Variants in KDM3A observed in about 807,000 individuals in gnomAD.
The protein encoded by KDM3A is lysine-specific demethylase 3A.
A neutral mutation model predicts 158.0 loss-of-function variants in KDM3A; 60 were observed. The ratio of observed to expected loss-of-function variants is 0.38; its 90% CI spans 0.31 to 0.47. The LOEUF is 0.47. Ranked by LOEUF, KDM3A falls within the 20% of genes least tolerant of loss-of-function variation. KDM3A has a pLI of 0.99. For missense variants in KDM3A, 1,319 were observed against 1,574.3 expected (o/e 0.84, Z 2.74); for synonymous variants, 608 against 549.3 (o/e 1.11, Z -1.49).
At chr2:86,443,246 T>C (rs1682814946) in intron 2 of KDM3A, 1 of 152,252 alleles carries the variant, frequency 6.6e-6, no homozygotes, top group South Asian at 2.1e-4. Flanking sequence ...CTTTGCTTTT[T>C]CTTAAACTAT....
rs1439504011 is a variant in KDM3A, at chr2:86,466,668, A to T, written c.1304A>T (p.Glu435Val). ...KAELEIANPP[E>V]LQKHLEHAPS... ...GAATTGGAAATTGCCAATCCTCCTG[A>T]ACTGCAGAAGCACCTAGAACATGCA... Residue 435 changes from glutamate to valine, a missense_variant, in exon 10 of 26, where the codon GAA (glutamate) becomes GTA (valine). Physicochemically the swap from Glu to Val is moderately radical, Grantham distance 121. This residue lies in a region of KDM3A where 652 missense variants were observed against 627.2 expected (regional missense o/e 1.04). Coordinates refer to ENST00000312912, the MANE Select transcript of KDM3A (RefSeq NM_018433.6). The T allele has an allele frequency of 6.2e-7, 1 of 1,613,968 alleles. No homozygotes were observed. The highest frequency in any genetic ancestry group is 1.3e-5 in the African/African-American group (1 of 75,044).
intron 11 of KDM3A, 109 bp from the exon 12 acceptor site, chr2:86,474,663 CAAAA>C (rs765315792): frequency 2.9e-4 from 122 of 423,966 alleles, no homozygotes; most frequent in African/African-American, 3.0e-4. Context: ...GACTCCATCC[CAAAA>C]AAAAAAAAAA....
chr2:86,464,067 G>A lies in KDM3A; in HGVS notation c.858G>A (p.Met286Ile). Residue 286 changes from methionine (M) to isoleucine (I), a missense_variant, in exon 9 of 26, where the codon ATG becomes ATA. Physicochemically the swap from Met to Ile is conservative, Grantham distance 10. This residue lies in a region of KDM3A where 652 missense variants were observed against 627.2 expected (regional missense o/e 1.04). Transcript: ENST00000312912. ...GTATCTTCTAGGCCTCTCCCAGTAT[G>A]TGTCCTGTGCAGTCTGTACCTACAA... The part of the protein sequence containing the change: ...AKSCSEASPS[M>I]CPVQSVPTTV... 1 of 1,590,224 alleles carries A rather than the reference G, an allele frequency of 6.3e-7. No individual in the cohort carries two copies. Among genetic ancestry groups the A allele is most frequent in the Non-Finnish European group, 8.6e-7 (1 of 1,166,478 alleles).
At chr2:86,442,568 G>A (rs1011926261) in intron 2 of KDM3A, 7 of 198,270 alleles carry the variant, frequency 3.5e-5, no homozygotes, top group Non-Finnish European at 7.2e-5. Flanking sequence ...GCCTGTAAGT[G>A]ACGTTTGGAG....
rs1257737320 is a variant in KDM3A, at chr2:86,474,938, C to T, written c.1887C>T (p.Phe629=). The T allele has an allele frequency of 1.9e-6, 3 of 1,614,052 alleles. No individual in the cohort carries two copies. Among genetic ancestry groups the T allele is most frequent in the Non-Finnish European group, 2.5e-6 (3 of 1,180,000 alleles). Residue 629 remains phenylalanine, a synonymous_variant, in exon 12 of 26, where the codon TTC becomes TTT. Coordinates refer to ENST00000312912, the MANE Select transcript of KDM3A (RefSeq NM_018433.6). ...KYILANIGDH[F]CQMVISEKEA... is the part of the protein sequence containing the mutation. ...TCTTGGCCAACATTGGAGACCACTTCTGTCAAATGGTGATTTCTGAAAAGG... is the reference window on the plus strand; with the variant it reads ...TCTTGGCCAACATTGGAGACCACTTTTGTCAAATGGTGATTTCTGAAAAGG...
chr2:86,465,025 G>A (rs1413573169), intron 9 of KDM3A, among the ~76,000 whole-genome samples: 1 of 152,174 alleles, frequency 6.6e-6, no homozygotes, highest in East Asian at 1.9e-4. Flanking sequence ...GGAACATTAG[G>A]AAGTTCAGTG....
Position 86,456,792 on chromosome 2 carries a change from A to G in KDM3A, c.682-13A>G, listed in dbSNP as rs1283444831. The G allele has an allele frequency of 6.2e-7, 1 of 1,601,276 alleles. No homozygotes were observed. Among genetic ancestry groups the G allele is most frequent in the Admixed American group, 1.7e-5 (1 of 59,668 alleles). On this transcript the variant is annotated splice_polypyrimidine_tract_variant and intron_variant, in intron 6 of 25. Transcript: ENST00000312912. ...TTTTATTTTCCGGTATCTTTGTTTC[A>G]TTTATTTTTAAGATTCCAGCACTGA...
chr2:86,461,826 T>C (rs780431057), intron 8 of KDM3A, among the ~76,000 whole-genome samples: 18 of 151,854 alleles, frequency 1.2e-4, no homozygotes, highest in Non-Finnish European at 1.3e-4. Flanking sequence ...AAGAAAGGGC[T>C]TAGAACACTA....
At chr2:86,482,389 T>G in intron 17 of KDM3A, 69 bp from the exon 18 acceptor site, 2 of 1,575,444 alleles carry the variant, frequency 1.3e-6, no homozygotes, top group Non-Finnish European at 1.7e-6. Context: ...CTATACTCAT[T>G]ATGGGAATGG....
At chr2:86,478,405 C>T in intron 14 of KDM3A, 140 bp downstream of exon 14, 2 of 832,240 alleles carry the variant, frequency 2.4e-6, no homozygotes, top group South Asian at 1.7e-5. Context: ...TAGATAATTC[C>T]TCCAACACTT....
In KDM3A at chr2:86,480,246, G is replaced by T. The variant is rs751276346; in HGVS notation, c.2396G>T (p.Gly799Val). The T allele has an allele frequency of 3.1e-6, 5 of 1,613,806 alleles. No individual in the cohort carries two copies. The highest frequency in any genetic ancestry group is 2.2e-5 in the South Asian group (2 of 91,060). ...NPSVLEPAAV[G>V]GEAASKPAGS... ...TCAGTGTTGGAGCCAGCAGCTGTGG[G>T]TGGGGAAGCAGCCTCCAAGCCAGCC... The change falls in exon 16 of 26, where the codon GGT becomes GTT. Residue 799 changes from glycine (G) to valine (V), a missense_variant. Physicochemically the swap from Gly to Val is moderately radical, Grantham distance 109. This residue lies in a region of KDM3A where 368 missense variants were observed against 415.8 expected (regional missense o/e 0.89). Coordinates refer to ENST00000312912, the MANE Select transcript of KDM3A (RefSeq NM_018433.6).
At chr2:86,491,688 A>G (rs1480088184) in intron 25 of KDM3A, 6 of 308,488 alleles carry the variant, frequency 1.9e-5, no homozygotes, top group Non-Finnish European at 3.0e-5. Flanking sequence ...TATTTTCAAA[A>G]GGATTTCAGT....
chr2:86,455,146 C>T lies in KDM3A; in HGVS notation c.515C>T (p.Ala172Val). The change falls in exon 5 of 26, where the codon GCT becomes GTT. Residue 172 changes from alanine to valine, a missense_variant. Ala to Val is a moderately conservative substitution (Grantham distance 64). Transcript: ENST00000312912. ...DNQIVSKEFQ[A>V]LIVKHLDESH... ...CAGATTGTCAGTAAAGAATTTCAAG[C>T]TTTGATTGTGAAGCATTTAGATGAA... 6.2e-7 allele frequency: 1 copy of T among 1,606,458 alleles called. No individual in the cohort carries two copies.
chr2:86,479,047 A>T (rs577953688), intron 15 of KDM3A: 21 of 185,572 alleles, frequency 1.1e-4, no homozygotes, highest in East Asian at 8.2e-4. Flanking sequence ...GTTTAAAAAA[A>T]TTTTTTGTGT....
In KDM3A at chr2:86,466,897, A is replaced by G; in HGVS notation, c.1519+14A>G. On this transcript the variant is annotated intron_variant, in intron 10 of 25. Coordinates refer to ENST00000312912, the MANE Select transcript of KDM3A (RefSeq NM_018433.6). Reference sequence around the variant, plus strand: ...AAATCCAGAATGGTGAGTGTTTCTCAATATCTTTATTGGTAGAAGGTAAGA... The same window carrying G: ...AAATCCAGAATGGTGAGTGTTTCTCGATATCTTTATTGGTAGAAGGTAAGA... The G allele has an allele frequency of 6.4e-7, 1 of 1,564,288 alleles. No homozygotes were observed. The highest frequency in any genetic ancestry group is 8.6e-7 in the Non-Finnish European group (1 of 1,156,352).
chr2:86,445,064 T>A (rs1165339404), intron 2 of KDM3A, among the ~76,000 whole-genome samples: 1 of 152,204 alleles, frequency 6.6e-6, no homozygotes, highest in African/African-American at 2.4e-5. Flanking sequence ...AAACTGAGGC[T>A]TAAAGAAGTT....
At chr2:86,472,261 G>A (rs1673453195) in intron 11 of KDM3A, among the ~76,000 whole-genome samples, 1 of 151,820 alleles carries the variant, frequency 6.6e-6, no homozygotes, top group Non-Finnish European at 1.5e-5. Flanking sequence ...AAAGGGGAAA[G>A]TACCTTTGCC....
At chr2:86,452,745 G>GT (rs1672523174) in intron 4 of KDM3A, among the ~76,000 whole-genome samples, 1 of 152,206 alleles carries the variant, frequency 6.6e-6, no homozygotes, top group Non-Finnish European at 1.5e-5. Flanking sequence ...TGCCGAGCCT[G>GT]TATCGGGAAG....
chr2:86,480,900 T>C (rs559063104), intron 16 of KDM3A, among the ~76,000 whole-genome samples: 1 of 152,356 alleles, frequency 6.6e-6, no homozygotes, highest in African/African-American at 2.4e-5. Flanking sequence ...TTACATGTGA[T>C]GTAATTCTGT....
Sources: allele counts gnomAD v4.1 joint callset (sites outside exome capture counted in the v4.1 genomes callset), GRCh38; gene constraint gnomAD v4.1.1; regional missense constraint gnomAD v4.1.1; transcripts MANE v1.5; gene names NCBI Gene and HGNC (gene_info 2026-07-23, HGNC 2026-07-21).